The following RORA variants were observed in gnomAD, a reference collection of about 807,000 sequenced individuals.
The protein encoded by RORA is RAR related orphan receptor A.
A neutral mutation model predicts 69.5 loss-of-function variants in RORA; 7 were observed. The ratio of observed to expected loss-of-function variants is 0.10; its 90% CI spans 0.06 to 0.19. The LOEUF (loss-of-function observed/expected upper bound fraction) is 0.19. Ranked by LOEUF, RORA falls within the 10% of genes least tolerant of loss-of-function variation. The pLI, the probability that RORA is intolerant of heterozygous loss-of-function variation, is 1.00. For missense variants in RORA, 457 were observed against 663.0 expected, an observed-to-expected ratio of 0.69 and a Z score of 3.41; for synonymous variants, 261 against 240.8, an observed-to-expected ratio of 1.08 and a Z score of -0.78.
At chr15:60,712,239 T>C (rs555556056) in intron 1 of RORA, among the ~76,000 whole-genome samples, 1 of 152,324 alleles carries the variant, frequency 6.6e-6, no homozygotes, top group South Asian at 2.1e-4. Context: ...CAAGTGATTG[T>C]CTAACATTTT....
intron 1 of RORA, among the ~76,000 whole-genome samples, chr15:60,979,445 A>C (rs181792293): frequency 6.6e-6 from 1 of 152,124 alleles, no homozygotes; most frequent in African/African-American, 2.4e-5. Flanking sequence ...CAATCAGGGG[A>C]GTATTCTATT....
chr15:60,605,978 C>A (rs1306423831), intron 2 of RORA, among the ~76,000 whole-genome samples: 1 of 152,210 alleles, frequency 6.6e-6, no homozygotes, highest in Non-Finnish European at 1.5e-5. Context: ...GACAGGGCTA[C>A]TGAATGACTT....
intron 1 of RORA, among the ~76,000 whole-genome samples, chr15:60,890,314 C>T (rs777112937): frequency 2.0e-5 from 3 of 152,218 alleles, no homozygotes; most frequent in Non-Finnish European, 4.4e-5. Context: ...TAAAATGTCC[C>T]ATTTAATGCC....
intron 1 of RORA, among the ~76,000 whole-genome samples, chr15:61,097,554 C>T (rs782911): frequency 0.83 from 125,794 of 151,918 alleles, 52,149 homozygotes; most frequent in African/African-American, 0.85. Context: ...GTGTTACTTA[C>T]AATTTTATCC....
chr15:60,557,830 T>C (rs1388331316), intron 2 of RORA, among the ~76,000 whole-genome samples: 1 of 152,190 alleles, frequency 6.6e-6, no homozygotes, highest in Admixed American at 6.5e-5. Flanking sequence ...AATATCCAAA[T>C]AACTGGAGTG....
intron 1 of RORA, among the ~76,000 whole-genome samples, chr15:60,928,783 C>G (rs190052034): frequency 6.6e-6 from 1 of 152,234 alleles, no homozygotes; most frequent in Non-Finnish European, 1.5e-5. Flanking sequence ...TGCTGACTCT[C>G]CAGGCAAGTC....
intron 1 of RORA, among the ~76,000 whole-genome samples, chr15:60,831,734 G>C (rs2073044844): frequency 6.6e-6 from 1 of 152,110 alleles, no homozygotes; most frequent in Non-Finnish European, 1.5e-5. Flanking sequence ...AACCATTCCG[G>C]TGACCTACTG....
chr15:60,582,158 T>C (rs1379973725), intron 2 of RORA, among the ~76,000 whole-genome samples: 1 of 152,218 alleles, frequency 6.6e-6, no homozygotes, highest in Non-Finnish European at 1.5e-5. Context: ...GGCATATTTA[T>C]TATTAATATT....
chr15:61,075,919 G>A (rs1351935546), intron 1 of RORA, among the ~76,000 whole-genome samples: 1 of 152,164 alleles, frequency 6.6e-6, no homozygotes, highest in African/African-American at 2.4e-5. Context: ...GGCTCCTGGA[G>A]CTGCCAGGCA....
At chr15:60,833,971 A>C (rs191141932) in intron 1 of RORA, among the ~76,000 whole-genome samples, 14 of 152,338 alleles carry the variant, frequency 9.2e-5, no homozygotes, top group Admixed American at 3.3e-4. Flanking sequence ...TCAACCAGTA[A>C]GCACCTTAGC....
chr15:60,578,023 T>C, intron 2 of RORA, among the ~76,000 whole-genome samples: 1 of 152,230 alleles, frequency 6.6e-6, no homozygotes, highest in East Asian at 1.9e-4. Flanking sequence ...TATAATAGCC[T>C]TTTCAGATAA....
chr15:60,890,466 C>G (rs2140457015), intron 1 of RORA, among the ~76,000 whole-genome samples: 1 of 152,292 alleles, frequency 6.6e-6, no homozygotes, highest in African/African-American at 2.4e-5. Context: ...GCCCTGGAGG[C>G]CCCAGCAGCA....
chr15:60,875,613 A>G (rs2073604693), intron 1 of RORA, among the ~76,000 whole-genome samples: 1 of 152,194 alleles, frequency 6.6e-6, no homozygotes, highest in African/African-American at 2.4e-5. Flanking sequence ...GCTGTGCTGT[A>G]TGGAGAGGCA....
intron 1 of RORA, chr15:61,214,007 C>G (rs1014554124): frequency 2.0e-5 from 3 of 152,130 alleles, no homozygotes; most frequent in Non-Finnish European, 4.4e-5. Flanking sequence ...GGGCATTCAC[C>G]GAATGCTCAT....
intron 1 of RORA, among the ~76,000 whole-genome samples, chr15:60,838,982 G>A (rs1293586538): frequency 6.6e-6 from 1 of 151,674 alleles, no homozygotes; most frequent in Non-Finnish European, 1.5e-5. Flanking sequence ...TCCGCCTCCT[G>A]GGTTCACGCC....
chr15:60,543,792 G>A (rs1456852325), intron 2 of RORA, among the ~76,000 whole-genome samples: 1 of 152,108 alleles, frequency 6.6e-6, no homozygotes, highest in Non-Finnish European at 1.5e-5. Context: ...ATTTGGCAGG[G>A]GCTGCAGCTG....
At chr15:60,956,378 G>A (rs1338814366) in intron 1 of RORA, among the ~76,000 whole-genome samples, 2 of 152,178 alleles carry the variant, frequency 1.3e-5, no homozygotes, top group Non-Finnish European at 2.9e-5. Flanking sequence ...AAATCAGGAA[G>A]CAGACGCCCA....
intron 1 of RORA, among the ~76,000 whole-genome samples, chr15:61,021,775 A>G (rs935774641): frequency 1.3e-5 from 2 of 152,218 alleles, no homozygotes; most frequent in African/African-American, 4.8e-5. Flanking sequence ...CGGAAGCACT[A>G]TCAATAATTA....
At chr15:60,911,703 A>AT (rs60693324) in intron 1 of RORA, among the ~76,000 whole-genome samples, 9,136 of 142,864 alleles carry the variant, frequency 0.064, 822 homozygotes, top group African/African-American at 0.19. Flanking sequence ...CGGATTTTTG[A>AT]TTTTTTTTTT....
Sources: gnomAD v4.1 joint callset for allele counts (sites outside exome capture counted in the v4.1 genomes callset) on GRCh38, gnomAD v4.1.1 for gene constraint, MANE v1.5 for transcripts, NCBI Gene and HGNC (gene_info 2026-07-23, HGNC 2026-07-21) for gene names.